Variants in SEPTIN4 observed in about 807,000 individuals in gnomAD.
SEPTIN4 encodes septin 4.
A neutral mutation model predicts 107.1 loss-of-function variants in SEPTIN4; 52 were observed. The ratio of observed to expected loss-of-function variants is 0.49; its 90% confidence interval spans 0.39 to 0.61. The LOEUF is 0.61. Among genes scored for constraint, SEPTIN4 ranks in the 20% least tolerant of loss-of-function variants. SEPTIN4 has a pLI of 0.00. For synonymous variants in SEPTIN4, 417 were observed against 467.0 expected, an observed-to-expected ratio of 0.89 and a Z score of 1.38; for missense variants, 1,048 against 1,243.5, an observed-to-expected ratio of 0.84 and a Z score of 2.36.
chr17:58,543,197 C>G lies in SEPTIN4; in HGVS notation c.990G>C (p.Glu330Asp), dbSNP rs1479515989. 6.2e-7 allele frequency: 1 copy of G among 1,614,014 alleles called. No individual in the cohort carries two copies. The highest frequency in any genetic ancestry group is 1.3e-5 in the African/African-American group (1 of 74,882). The stretch of plus-strand genomic sequence containing the variant: ...GGGAGATGGTGACCCTGCGGCCAAC[C>G]TCGCTGTTTCCTCGGATTGGGGTCC... The part of the protein sequence containing the change: ...NVRTPIRGNS[E>D]VGRRVTISPG... The change falls in exon 1 of 14, where the codon GAG becomes GAC. Residue 330 changes from glutamate to aspartate, a missense_variant. Physicochemically the swap from Glu to Asp is conservative, Grantham distance 45. Around this residue, in one of 2 missense-constraint regions of SEPTIN4, gnomAD observed 787 missense variants for 871.8 expected, o/e 0.90. Coordinates refer to ENST00000672673, the MANE Select transcript of SEPTIN4 (RefSeq NM_001368771.2).
At chr17:58,523,700 G>A (rs746332329) in intron 7 of SEPTIN4, among the ~76,000 whole-genome samples, 27 of 151,752 alleles carry the variant, frequency 1.8e-4, no homozygotes, top group Admixed American at 2.6e-4. Context: ...ATGCTCTGCC[G>A]TTGCCATGTT....
intron 5 of SEPTIN4, among the ~76,000 whole-genome samples, chr17:58,526,012 T>C (rs1364995215): frequency 6.6e-6 from 1 of 152,088 alleles, no homozygotes; most frequent in Non-Finnish European, 1.5e-5. Context: ...GTTGGTCAGA[T>C]GCTCTTTGCA....
At position 58,542,800 on chromosome 17, in the gene SEPTIN4, TA is replaced by T; in HGVS notation, c.1386del (p.Phe462LeufsTer3). 1 of 1,614,174 alleles carries T rather than the reference TA, an allele frequency of 6.2e-7. No homozygotes were observed. The highest frequency in any genetic ancestry group is 1.1e-5 in the South Asian group (1 of 91,084). On this transcript the variant is annotated frameshift_variant, in exon 1 of 14. Coordinates refer to ENST00000672673, the MANE Select transcript of SEPTIN4 (RefSeq NM_001368771.2). LOFTEE classifies it high-confidence loss of function. The part of the protein sequence containing the change: ...SPSLDLLLSG[F>X]KIDSSPFCED... ...TCACAGAAAGGGCTAGAGTCTATTT[TA>T]AAACCGGACAATAAAAGATCTAGGG... is the stretch of plus-strand genomic sequence containing the variant.
chr17:58,541,700 A>G, intron 2 of SEPTIN4: 4 of 1,335,336 alleles, frequency 3.0e-6, no homozygotes, highest in Non-Finnish European at 4.1e-6. Context: ...ACTTCCTGTT[A>G]AAAGGAGACT....
rs1220520306 is a variant in SEPTIN4, at chr17:58,542,745, C to T, written c.1442G>A (p.Ser481Asn). The change falls in exon 1 of 14, where the codon AGC becomes AAC. Residue 481 changes from serine to asparagine, a missense_variant. Ser to Asn is a conservative substitution (Grantham distance 46). Transcript: ENST00000672673. ...CTTTGGTGGTGATGGTGGTGATAGGCTTGCCTTCTCTCTCTGGAACTTCAG... is the reference window on the plus strand; with the variant it reads ...CTTTGGTGGTGATGGTGGTGATAGGTTTGCCTTCTCTCTCTGGAACTTCAG... ...EDLKFQREKASLSPPSPPKEF... is the reference protein window; with the variant it reads ...EDLKFQREKANLSPPSPPKEF... The T allele has an allele frequency of 5.6e-6, 9 of 1,614,064 alleles. No homozygotes were observed. The highest frequency in any genetic ancestry group is 1.7e-5 in the Admixed American group (1 of 60,000).
chr17:58,521,501 C>T lies in SEPTIN4; in HGVS notation c.2571+44G>A, dbSNP rs1449834529. 4.4e-6 allele frequency: 7 copies of T among 1,603,720 alleles called. No homozygotes were observed. In the East Asian group the frequency reaches 6.7e-5, roughly 15 times the overall value. On this transcript the variant is annotated intron_variant, in intron 10 of 13. Transcript: ENST00000672673. This position sits in a 1 kb window ranked among gnomAD's most constrained non-coding sequence, Gnocchi z 6.4. ...TAGAATTCTACTCCCTTTTTCTACC[C>T]GGAAGAAATAAGATAGGAATGGGAT...
intron 3 of SEPTIN4, among the ~76,000 whole-genome samples, chr17:58,534,071 A>G (rs963170852): frequency 6.6e-6 from 1 of 152,216 alleles, no homozygotes; most frequent in African/African-American, 2.4e-5. Context: ...CCTGCTGCCC[A>G]GGCAGCAGGT....
rs780967993 is a variant in SEPTIN4, at chr17:58,543,573, T to C, written c.614A>G (p.Glu205Gly). The stretch of plus-strand genomic sequence containing the variant: ...AGTAGTCGTAATTCTTTGGATGGGC[T>C]CAGTTTGTACTGCTTCATCCTTTGG... ...SYPKDEAVQTEPIQRITTTSE... is the reference protein window; with the variant it reads ...SYPKDEAVQTGPIQRITTTSE... The change falls in exon 1 of 14, where the codon GAG becomes GGG. Residue 205 changes from glutamate (E) to glycine (G), a missense_variant. This residue lies in a region of SEPTIN4 where 787 missense variants were observed against 871.8 expected (regional missense o/e 0.90). Transcript: ENST00000672673. 1 of 1,614,204 alleles carries C rather than the reference T, an allele frequency of 6.2e-7. No individual in the cohort carries two copies. The highest frequency in any genetic ancestry group is 1.1e-5 in the South Asian group (1 of 91,084).
chr17:58,534,985 A>C (rs2043658837), intron 3 of SEPTIN4, among the ~76,000 whole-genome samples: 1 of 152,242 alleles, frequency 6.6e-6, no homozygotes. Context: ...TCAGTAGCTA[A>C]GTTTCCCTAA....
intron 2 of SEPTIN4, 32 bp from the exon 3 acceptor site, chr17:58,540,705 CA>C: frequency 1.5e-6 from 2 of 1,333,850 alleles, no homozygotes; most frequent in East Asian, 3.1e-5. Flanking sequence ...CAGGCATTCC[CA>C]GGGGGCAGCA....
At chr17:58,529,490 G>C in intron 3 of SEPTIN4, 1 of 1,261,260 alleles carries the variant, frequency 7.9e-7, no homozygotes. Context: ...ACGCCTGCCT[G>C]CTGCCTACCC....
intron 3 of SEPTIN4, 76 bp from the exon 4 acceptor site, chr17:58,527,054 C>T: frequency 6.2e-7 from 1 of 1,608,856 alleles, no homozygotes; most frequent in South Asian, 1.1e-5. Context: ...AGGAAGGAGA[C>T]AGAAGACAGG....
At chr17:58,539,644 G>T (rs1478907718) in intron 3 of SEPTIN4, among the ~76,000 whole-genome samples, 1 of 152,160 alleles carries the variant, frequency 6.6e-6, no homozygotes, top group African/African-American at 2.4e-5. Context: ...GTTTCTCAAG[G>T]CCAAGGAATG....
chr17:58,527,888 T>A, intron 3 of SEPTIN4: 1 of 985,476 alleles, frequency 1.0e-6, no homozygotes, highest in Non-Finnish European at 1.2e-6. Context: ...CCACAGGGAG[T>A]GGAAGGCAGA....
chr17:58,540,642 G>A (rs1456593333), intron 3 of SEPTIN4, 24 bp downstream of exon 3: 2 of 1,352,090 alleles, frequency 1.5e-6, no homozygotes, highest in African/African-American at 1.5e-5. Context: ...AAGACTGGGA[G>A]TAACCTCCCA....
intron 7 of SEPTIN4, among the ~76,000 whole-genome samples, chr17:58,523,665 A>G (rs1317104103): frequency 6.6e-6 from 1 of 151,668 alleles, no homozygotes; most frequent in Non-Finnish European, 1.5e-5. Flanking sequence ...GACATCTAGT[A>G]TGTGCTCACA....
chr17:58,534,155 G>A (rs114859840), intron 3 of SEPTIN4, among the ~76,000 whole-genome samples: 2 of 152,328 alleles, frequency 1.3e-5, no homozygotes, highest in South Asian at 2.1e-4. Flanking sequence ...TCTAAGCCAA[G>A]AATATTGGGG....
At chr17:58,532,251 G>T in intron 3 of SEPTIN4, 1 of 295,804 alleles carries the variant, frequency 3.4e-6, no homozygotes, top group Non-Finnish European at 5.3e-6. Context: ...CCAGGACAGA[G>T]CGGGGAGCCT....
chr17:58,541,626 G>T, intron 2 of SEPTIN4: 1 of 701,092 alleles, frequency 1.4e-6, no homozygotes, highest in Non-Finnish European at 2.3e-6. Context: ...TTAAAATCAT[G>T]TGATAGATGA....
Sources: gnomAD v4.1 joint callset for allele counts (sites outside exome capture counted in the v4.1 genomes callset) on GRCh38, gnomAD v4.1.1 for gene constraint, gnomAD v4.1.1 regional missense constraint, Gnocchi (gnomAD v3.1) non-coding constraint, MANE v1.5 for transcripts, NCBI Gene and HGNC (gene_info 2026-07-23, HGNC 2026-07-21) for gene names.